Variants in MTMR1 observed in about 807,000 individuals in gnomAD.
The protein encoded by MTMR1 is phosphatidylinositol-3-phosphate phosphatase MTMR1.
MTMR1 carries 17 observed loss-of-function variants against 51.6 expected under a neutral mutation model. The observed-to-expected ratio is 0.33, with a 90% confidence interval of 0.23 to 0.49. The LOEUF (loss-of-function observed/expected upper bound fraction) is 0.49, where lower values mean the gene tolerates loss of function less well. Ranked by LOEUF, MTMR1 falls within the 20% of genes least tolerant of loss-of-function variation. MTMR1 has a pLI of 0.99. For synonymous variants in MTMR1, 201 were observed against 205.6 expected (o/e 0.98, Z 0.19); for missense variants, 386 against 526.9 (o/e 0.73, Z 2.62).
At chrX:150,700,675 G>C (rs1262204048) in intron 2 of MTMR1, among the ~76,000 whole-genome samples, 1 of 112,489 alleles carries the variant, frequency 8.9e-6, no homozygotes, top group Non-Finnish European at 1.9e-5. Flanking sequence ...TTGCCCTATT[G>C]CCTGCACCTT....
intron 4 of MTMR1, among the ~76,000 whole-genome samples, chrX:150,725,349 C>A (rs1336335652): frequency 8.9e-6 from 1 of 112,005 alleles, no homozygotes; most frequent in African/African-American, 3.3e-5. Flanking sequence ...AATGGGATTG[C>A]ATTCCTGATT....
At chrX:150,719,744 A>G (rs1194596976) in intron 4 of MTMR1, among the ~76,000 whole-genome samples, 1 of 112,445 alleles carries the variant, frequency 8.9e-6, no homozygotes, top group Non-Finnish European at 1.9e-5. Context: ...AAGTGAGCTC[A>G]GAAAAGATTA....
At chrX:150,739,494 A>G (rs890522202) in intron 12 of MTMR1, among the ~76,000 whole-genome samples, 5 of 112,007 alleles carry the variant, frequency 4.5e-5, no homozygotes, top group African/African-American at 1.6e-4. Flanking sequence ...TTCCTCCCCA[A>G]ACTGTATGTC....
intron 2 of MTMR1, among the ~76,000 whole-genome samples, chrX:150,706,439 G>A (rs148782825): frequency 4.5e-4 from 50 of 112,064 alleles, no homozygotes; most frequent in African/African-American, 1.6e-3. Context: ...CTGTTGAGAC[G>A]TAGGAGTTTT....
At chrX:150,710,982 A>T in intron 2 of MTMR1, among the ~76,000 whole-genome samples, 1 of 112,601 alleles carries the variant, frequency 8.9e-6, no homozygotes, top group Non-Finnish European at 1.9e-5. Flanking sequence ...TGTGGTTATT[A>T]CTGGGGAATG....
Position 150,737,345 on chromosome X carries a change from C to T in MTMR1, c.1370C>T (p.Thr457Ile), listed in dbSNP as rs1557417212. 3 of 1,211,163 alleles carry T rather than the reference C, an allele frequency of 2.5e-6. No homozygotes were observed. The African/African-American group carries it at 5.2e-5, about 21-fold the overall frequency. The change falls in exon 12 of 16, where the codon ACA becomes ATA. Residue 457 changes from threonine (T) to isoleucine (I), a missense_variant. Physicochemically the swap from Thr to Ile is moderately conservative, Grantham distance 89. Coordinates refer to ENST00000445323, the MANE Select transcript of MTMR1 (RefSeq NM_001306144.3). ...SDGWDRTAQL[T>I]SLAMLMLDSY... ...GGTTGGGACCGAACAGCCCAGCTCACATCTCTGGCTATGCTAATGTTGGAC... is the reference window on the plus strand; with the variant it reads ...GGTTGGGACCGAACAGCCCAGCTCATATCTCTGGCTATGCTAATGTTGGAC...
chrX:150,698,211 T>A (rs1557415792), intron 1 of MTMR1, among the ~76,000 whole-genome samples: 2 of 110,161 alleles, frequency 1.8e-5, no homozygotes, highest in Non-Finnish European at 3.8e-5. Flanking sequence ...GAGAATTGCT[T>A]GAACCCAGAA....
intron 12 of MTMR1, among the ~76,000 whole-genome samples, chrX:150,740,718 C>G (rs782117421): frequency 9.0e-6 from 1 of 111,246 alleles, no homozygotes. Flanking sequence ...ATTTGGCTCA[C>G]GATTCTGCAG....
rs1557417928 is a variant in MTMR1, at chrX:150,759,963, G to C, written c.1858-2602G>C. Among the ~76,000 whole-genome samples, 2 of 109,605 alleles carry C rather than the reference G, an allele frequency of 1.8e-5. 1 individual carries two copies. On this transcript the variant is annotated intron_variant, in intron 15 of 15. Coordinates refer to ENST00000445323, the MANE Select transcript of MTMR1 (RefSeq NM_001306144.3). The stretch of plus-strand genomic sequence containing the variant: ...AGGGCCAGATCCCGTCTCTGGCAGT[G>C]ACTCACCGCCTGATCTGCAGCAGGG...
chrX:150,708,293 ATTTAAAG>A (rs2041184753), intron 2 of MTMR1, among the ~76,000 whole-genome samples: 1 of 112,017 alleles, frequency 8.9e-6, no homozygotes, highest in Non-Finnish European at 1.9e-5. Flanking sequence ...TGATCCCAAA[ATTTAAAG>A]TTTAATTTTA....
intron 3 of MTMR1, among the ~76,000 whole-genome samples, chrX:150,716,906 C>T (rs1302642759): frequency 8.9e-6 from 1 of 111,957 alleles, no homozygotes; most frequent in African/African-American, 3.2e-5. Context: ...ATGCTGAAAG[C>T]GTAGTATTAT....
rs978393814 is a variant in MTMR1, at chrX:150,764,857, C to T, written c.*2128C>T. 3 of 112,362 alleles carry T rather than the reference C, an allele frequency of 2.7e-5. No individual in the cohort carries two copies. Among genetic ancestry groups the T allele is most frequent in the Non-Finnish European group, 5.6e-5 (3 of 53,311 alleles). The allele number at this position is 112,362 out of a possible 1,213,427, so 9.3% of individuals were successfully genotyped here. On this transcript the variant is annotated 3_prime_UTR_variant, in exon 16 of 16. Transcript: ENST00000445323. ...TGGTTCAGGTTTTTAAAAACTGGTA[C>T]AGTATTGTATTTGTCTCATCTGTTG...
At chrX:150,725,017 G>A (rs988868118) in intron 4 of MTMR1, among the ~76,000 whole-genome samples, 7 of 111,838 alleles carry the variant, frequency 6.3e-5, no homozygotes, top group Admixed American at 5.7e-4. Context: ...GTAACATGAT[G>A]CCTCCAGCTT....
chrX:150,731,784 AACAATCTG>A (rs2042124387), intron 9 of MTMR1, among the ~76,000 whole-genome samples, 165 bp downstream of exon 9: 1 of 112,189 alleles, frequency 8.9e-6, no homozygotes, highest in African/African-American at 3.2e-5. Flanking sequence ...TAATTATATA[AACAATCTG>A]TTTGCTATGA....
chrX:150,718,669 A>G lies in MTMR1; in HGVS notation c.321A>G (p.Pro107=), dbSNP rs782766323. ...AGCTGGCACAGATGGAAGAGGCTCC[A>G]CTTTTCCCAGGAGAATCAATTAAAG... ...GNKLAQMEEA[P]LFPGESIKAI... The change falls in exon 4 of 16, where the codon CCA becomes CCG. Residue 107 remains proline (P), a synonymous_variant. Coordinates refer to ENST00000445323, the MANE Select transcript of MTMR1 (RefSeq NM_001306144.3). 8.7e-7 allele frequency: 1 copy of G among 1,150,598 alleles called. No homozygotes were observed. Among genetic ancestry groups the G allele is most frequent in the Admixed American group, 2.5e-5 (1 of 40,238 alleles). 94.8% of individuals were successfully genotyped at this position (1,150,598 alleles called of 1,213,427 possible). A position where few individuals can be genotyped will look rare whatever the true frequency, so the allele number is the denominator to read the frequency against.
intron 1 of MTMR1, among the ~76,000 whole-genome samples, chrX:150,695,838 GA>G (rs2040653117): frequency 9.0e-6 from 1 of 111,187 alleles, no homozygotes; most frequent in South Asian, 3.8e-4. Context: ...TGGAGGTCTG[GA>G]AAAGGGAATT....
In MTMR1 at chrX:150,757,816, C is replaced by T. The variant is rs370672746; in HGVS notation, c.1857+1951C>T. ...ACTTGTGCTGCCCTGGAGCCTTTCCCGTTGAGCGCCCTCTTCCCTGCTCAC... is the reference window on the plus strand; with the variant it reads ...ACTTGTGCTGCCCTGGAGCCTTTCCTGTTGAGCGCCCTCTTCCCTGCTCAC... On this transcript the variant is annotated intron_variant, in intron 15 of 15. Transcript: ENST00000445323. Among the ~76,000 whole-genome samples, 428 of 111,980 alleles carry T rather than the reference C, an allele frequency of 3.8e-3. 5 individuals are homozygous for T. The highest frequency in any genetic ancestry group is 0.012 in the African/African-American group (365 of 30,808).
chrX:150,744,453 G>T lies in MTMR1; in HGVS notation c.1566G>T (p.Gln522His). The T allele has an allele frequency of 8.4e-7, 1 of 1,192,796 alleles. No individual in the cohort carries two copies. Among genetic ancestry groups the T allele is most frequent in the Non-Finnish European group, 1.1e-6 (1 of 878,901 alleles). ...FVDCVWQMTR[Q>H]FPSAFEFNEL... is the part of the protein sequence containing the mutation. ...ATTGTGTTTGGCAAATGACAAGGCA[G>T]GTGAGAGATTTCAAGTATATTTCTA... is the stretch of plus-strand genomic sequence containing the variant. Residue 522 changes from glutamine (Q) to histidine (H), a missense_variant and splice_region_variant, in exon 13 of 16, where the codon CAG becomes CAT. By Grantham distance (24) the Gln-to-His change is conservative. Coordinates refer to ENST00000445323, the MANE Select transcript of MTMR1 (RefSeq NM_001306144.3).
intron 15 of MTMR1, among the ~76,000 whole-genome samples, chrX:150,756,211 C>T (rs1161751791): frequency 7.2e-5 from 8 of 111,578 alleles, no homozygotes; most frequent in Admixed American, 1.9e-4. Context: ...CCTGTTTCCA[C>T]GTAGAGGTGG....
Sources: allele counts gnomAD v4.1 joint callset (sites outside exome capture counted in the v4.1 genomes callset), GRCh38; gene constraint gnomAD v4.1.1; transcripts MANE v1.5; gene names NCBI Gene and HGNC (gene_info 2026-07-23, HGNC 2026-07-21).